Variants in PTER observed in about 807,000 individuals in gnomAD.
PTER encodes phosphotriesterase related.
In PTER, 38 loss-of-function variants were observed where a neutral mutation model predicts 29.6. The ratio of observed to expected loss-of-function variants is 1.28; its 90% CI spans 0.99 to 1.68. The LOEUF (loss-of-function observed/expected upper bound fraction) is 1.68, where lower values mean the gene tolerates loss of function less well. Ranked by LOEUF, PTER falls within the 40% of genes most tolerant of loss-of-function variation. The pLI, the probability that PTER is intolerant of heterozygous loss-of-function variation, is 0.00. For missense variants in PTER, 482 were observed against 427.8 expected, an observed-to-expected ratio of 1.13 and a Z score of -1.12; for synonymous variants, 172 against 154.5, an observed-to-expected ratio of 1.11 and a Z score of -0.84.
intron 3 of PTER, among the ~76,000 whole-genome samples, chr10:16,504,058 C>G (rs192129440): frequency 1.3e-5 from 2 of 152,260 alleles, no homozygotes; most frequent in African/African-American, 4.8e-5. Flanking sequence ...TGTCTTCCTT[C>G]CCTTCATGAA....
intron 1 of PTER, among the ~76,000 whole-genome samples, chr10:16,455,071 A>G (rs991343889): frequency 6.6e-6 from 1 of 151,958 alleles, no homozygotes; most frequent in Non-Finnish European, 1.5e-5. Context: ...TCTACAAAAC[A>G]TACACAAATT....
intron 1 of PTER, among the ~76,000 whole-genome samples, chr10:16,438,469 G>GTT (rs1554784924): frequency 6.0e-4 from 57 of 95,068 alleles, no homozygotes; most frequent in African/African-American, 2.1e-3. Context: ...TCTGTTTTTT[G>GTT]TTTTTTTTTT....
At chr10:16,498,666 C>T (rs1407319215) in intron 3 of PTER, among the ~76,000 whole-genome samples, 1 of 152,172 alleles carries the variant, frequency 6.6e-6, no homozygotes, top group African/African-American at 2.4e-5. Context: ...GTTAGCACCT[C>T]CACTCTTCTA....
chr10:16,443,163 G>T (rs1000024813), intron 1 of PTER, among the ~76,000 whole-genome samples: 1 of 152,152 alleles, frequency 6.6e-6, no homozygotes, highest in Non-Finnish European at 1.5e-5. Context: ...GCAGCTGGAA[G>T]TCCCAGATCA....
intron 1 of PTER, among the ~76,000 whole-genome samples, chr10:16,443,428 T>G (rs1292513013): frequency 6.6e-6 from 1 of 152,218 alleles, no homozygotes; most frequent in Non-Finnish European, 1.5e-5. Context: ...GAGCCCAAAA[T>G]GCTCCACTGC....
chr10:16,473,970 C>G (rs1184911106), intron 1 of PTER, among the ~76,000 whole-genome samples: 1 of 152,202 alleles, frequency 6.6e-6, no homozygotes, highest in African/African-American at 2.4e-5. Context: ...GTAATCCCAG[C>G]ACTTTGGGAG....
chr10:16,496,086 C>T (rs535694830), intron 3 of PTER, among the ~76,000 whole-genome samples: 118 of 152,324 alleles, frequency 7.7e-4, no homozygotes, highest in African/African-American at 2.6e-3. Flanking sequence ...ATTTACCCAG[C>T]TGTTAGCCTA....
intron 1 of PTER, among the ~76,000 whole-genome samples, chr10:16,459,878 G>A (rs1480771822): frequency 6.6e-6 from 1 of 152,118 alleles, no homozygotes; most frequent in East Asian, 1.9e-4. Flanking sequence ...CTCCTGAGTG[G>A]CTGGGATTAC....
chr10:16,493,688 GA>G (rs1440428380), intron 3 of PTER, among the ~76,000 whole-genome samples: 1 of 152,052 alleles, frequency 6.6e-6, no homozygotes, highest in African/African-American at 2.4e-5. Context: ...AAGGGAAAGG[GA>G]GAGGGAGGGA....
chr10:16,513,816 T>G (rs1836903310), downstream of PTER: 1 of 152,756 alleles, frequency 6.5e-6, no homozygotes, highest in South Asian at 2.1e-4. Context: ...ATTACACATT[T>G]TCACACTTAG....
chr10:16,456,030 C>A (rs1325753661), intron 1 of PTER, among the ~76,000 whole-genome samples: 2 of 152,170 alleles, frequency 1.3e-5, no homozygotes, highest in Non-Finnish European at 2.9e-5. Flanking sequence ...GAACAACCAT[C>A]ATCCCCGGAA....
chr10:16,490,490 C>T (rs1172395928), intron 3 of PTER, among the ~76,000 whole-genome samples: 1 of 151,986 alleles, frequency 6.6e-6, no homozygotes, highest in Non-Finnish European at 1.5e-5. Context: ...TTACTTGGTT[C>T]ATTAATACCT....
chr10:16,469,422 G>C (rs1834965255), intron 1 of PTER, among the ~76,000 whole-genome samples: 1 of 152,184 alleles, frequency 6.6e-6, no homozygotes, highest in Admixed American at 6.5e-5. Context: ...GGATTGCAAA[G>C]CCAGAGAGAC....
chr10:16,475,762 A>C (rs1335205786), intron 1 of PTER, among the ~76,000 whole-genome samples: 4 of 152,214 alleles, frequency 2.6e-5, no homozygotes, highest in Admixed American at 2.6e-4. Context: ...ACTTTGGTGC[A>C]TCGTTTCCAA....
At chr10:16,510,854 T>A (rs1391910962) in intron 4 of PTER, among the ~76,000 whole-genome samples, 192 bp from the exon 5 acceptor site, 1 of 152,186 alleles carries the variant, frequency 6.6e-6, no homozygotes, top group Non-Finnish European at 1.5e-5. Context: ...TAAGGATATG[T>A]TCCTGCTAGG....
intron 3 of PTER, among the ~76,000 whole-genome samples, chr10:16,492,678 G>C (rs1835941475): frequency 6.6e-6 from 1 of 152,264 alleles, no homozygotes; most frequent in African/African-American, 2.4e-5. Flanking sequence ...GACAGGTGCT[G>C]TGTGCCTGAA....
At chr10:16,448,033 G>C (rs1427555922) in intron 1 of PTER, among the ~76,000 whole-genome samples, 1 of 152,180 alleles carries the variant, frequency 6.6e-6, no homozygotes, top group Non-Finnish European at 1.5e-5. Flanking sequence ...CTGAGTTCAT[G>C]ATAAGCAGTT....
rs539044659 is a variant in PTER at position 16,492,410 on chromosome 10, C to T, written c.698+5793C>T. Among the ~76,000 whole-genome samples, 34 of 152,190 alleles carry T rather than the reference C, an allele frequency of 2.2e-4. No individual in the cohort carries two copies. In the South Asian group the frequency reaches 4.2e-3, roughly 19 times the overall value. ...AAACTCTACCCACGTGTCCAGGTGA[C>T]GTGTAATGATAGCACTGCCTTGGCC... On this transcript the variant is annotated intron_variant, in intron 3 of 4. Coordinates refer to ENST00000535784, the MANE Select transcript of PTER (RefSeq NM_001261836.2).
intron 3 of PTER, among the ~76,000 whole-genome samples, chr10:16,497,904 G>A (rs950895632): frequency 5.3e-5 from 8 of 151,878 alleles, no homozygotes; most frequent in Non-Finnish European, 1.0e-4. Context: ...ATAAAGAGCC[G>A]AATCACTTTG....
Sources: allele counts gnomAD v4.1 joint callset (sites outside exome capture counted in the v4.1 genomes callset), GRCh38; gene constraint gnomAD v4.1.1; transcripts MANE v1.5; gene names NCBI Gene and HGNC (gene_info 2026-07-23, HGNC 2026-07-21).